Variants in SLC4A10 observed in about 807,000 individuals in gnomAD.
SLC4A10 encodes sodium-driven chloride bicarbonate exchanger.
In SLC4A10, 42 loss-of-function variants were observed where a neutral mutation model predicts 137.7. The ratio of observed to expected loss-of-function variants is 0.30; its 90% confidence interval spans 0.24 to 0.39. The LOEUF (loss-of-function observed/expected upper bound fraction) is 0.39. Among genes scored for constraint, SLC4A10 ranks in the 10% least tolerant of loss-of-function variants. The pLI is 1.00. For synonymous variants in SLC4A10, 474 were observed against 464.1 expected (o/e 1.02, Z -0.27); for missense variants, 925 against 1,355.0 (o/e 0.68, Z 4.98).
At chr2:161,976,143 G>GT (rs1410835046) in intron 24 of SLC4A10, among the ~76,000 whole-genome samples, 7 of 152,212 alleles carry the variant, frequency 4.6e-5, no homozygotes, top group South Asian at 2.1e-4. Flanking sequence ...ATTTTCTTTA[G>GT]TTTTTTTATT....
intron 1 of SLC4A10, among the ~76,000 whole-genome samples, chr2:161,768,574 A>T (rs976850041): frequency 9.2e-5 from 14 of 151,790 alleles, no homozygotes; most frequent in African/African-American, 3.4e-4. Flanking sequence ...AAAGACCATG[A>T]CTCTTCTTAT....
At chr2:161,785,792 T>A (rs2053557809) in intron 2 of SLC4A10, among the ~76,000 whole-genome samples, 1 of 151,902 alleles carries the variant, frequency 6.6e-6, no homozygotes, top group South Asian at 2.1e-4. Flanking sequence ...GGCAAGGATG[T>A]CTACTCTTGC....
At chr2:161,705,580 A>G (rs1237696914) in intron 1 of SLC4A10, among the ~76,000 whole-genome samples, 1 of 151,572 alleles carries the variant, frequency 6.6e-6, no homozygotes, top group Non-Finnish European at 1.5e-5. Flanking sequence ...TGAAAATGTA[A>G]TCACCAATAT....
At chr2:161,713,970 T>G (rs1226656502) in intron 1 of SLC4A10, among the ~76,000 whole-genome samples, 1 of 151,044 alleles carries the variant, frequency 6.6e-6, no homozygotes, top group African/African-American at 2.4e-5. Flanking sequence ...ATGGTAATTG[T>G]GAAAAAATTG....
chr2:161,658,822 C>T (rs1175002339), intron 1 of SLC4A10, among the ~76,000 whole-genome samples: 1 of 151,966 alleles, frequency 6.6e-6, no homozygotes, highest in East Asian at 1.9e-4. Context: ...AACTCCTGAC[C>T]TCAAGTGATC....
chr2:161,832,456 C>T (rs1335675563), intron 3 of SLC4A10, among the ~76,000 whole-genome samples: 8 of 152,094 alleles, frequency 5.3e-5, no homozygotes, highest in Admixed American at 5.2e-4. Context: ...TGAAAGAAGT[C>T]CATTGGTATT....
intron 1 of SLC4A10, among the ~76,000 whole-genome samples, chr2:161,646,218 G>T (rs1159743859): frequency 6.6e-6 from 1 of 152,006 alleles, no homozygotes. Flanking sequence ...TCAGGCTAGA[G>T]ATGCATAAAA....
chr2:161,822,289 T>G (rs938474895), intron 3 of SLC4A10, among the ~76,000 whole-genome samples: 1 of 152,150 alleles, frequency 6.6e-6, no homozygotes, highest in African/African-American at 2.4e-5. Flanking sequence ...GAAACAGTGA[T>G]GAGAGAAAAT....
At chr2:161,833,862 A>G (rs1282790399) in intron 3 of SLC4A10, among the ~76,000 whole-genome samples, 1 of 152,212 alleles carries the variant, frequency 6.6e-6, no homozygotes, top group Admixed American at 6.5e-5. Context: ...AATTAAAAAA[A>G]GTTTCCAACT....
intron 1 of SLC4A10, among the ~76,000 whole-genome samples, chr2:161,719,048 C>T (rs1371257102): frequency 2.0e-5 from 3 of 152,140 alleles, no homozygotes; most frequent in South Asian, 2.1e-4. Flanking sequence ...TGCTATCCTT[C>T]CCCCCTCCCC....
chr2:161,919,397 G>A (rs1687729060), intron 15 of SLC4A10, among the ~76,000 whole-genome samples: 1 of 152,122 alleles, frequency 6.6e-6, no homozygotes, highest in African/African-American at 2.4e-5. Flanking sequence ...AGACTGGAGT[G>A]AGAAATATGG....
chr2:161,882,469 C>G (rs377535595), intron 10 of SLC4A10, 25 bp downstream of exon 10: 15 of 1,478,986 alleles, frequency 1.0e-5, no homozygotes, highest in Non-Finnish European at 1.4e-5. Context: ...TCTTTGGGAA[C>G]ATTTTCCCCC....
In SLC4A10 at chr2:161,733,972, A is replaced by G. The variant is rs1029656795; in HGVS notation, c.49-37001A>G. On this transcript the variant is annotated intron_variant, in intron 1 of 26. Transcript: ENST00000446997. Reference sequence around the variant, plus strand: ...ACCTTTGTTTTGGTCAATTTCTCCCATTTGGAACAGCTGTATTTACCCAAT... The same window carrying G: ...ACCTTTGTTTTGGTCAATTTCTCCCGTTTGGAACAGCTGTATTTACCCAAT... Among the ~76,000 whole-genome samples, 4 of 152,136 alleles carry G rather than the reference A, an allele frequency of 2.6e-5. No individual in the cohort carries two copies. In the East Asian group the frequency reaches 7.7e-4, roughly 29 times the overall value.
rs548343956 is a variant in SLC4A10 at position 161,887,772 on chromosome 2, A to T, written c.1194+5328A>T. On this transcript the variant is annotated intron_variant, in intron 10 of 26. Coordinates refer to ENST00000446997, the MANE Select transcript of SLC4A10 (RefSeq NM_001178015.2). ...TGTAGGTTGCTTGTTCATTCTGTTG[A>T]TAGTTTCTTTTGCTGTGCAGAAGCT... Among the ~76,000 whole-genome samples, 305 of 152,066 alleles carry T rather than the reference A, an allele frequency of 2.0e-3. 1 individual carries two copies. Among genetic ancestry groups the T allele is most frequent in the African/African-American group, 6.8e-3 (280 of 41,468 alleles).
At chr2:161,846,998 C>T (rs1196626667) in intron 4 of SLC4A10, among the ~76,000 whole-genome samples, 1 of 150,784 alleles carries the variant, frequency 6.6e-6, no homozygotes, top group Non-Finnish European at 1.5e-5. Flanking sequence ...TTTGGGTGGT[C>T]AGCTAAGGCA....
chr2:161,798,460 C>T (rs975055204), intron 2 of SLC4A10, among the ~76,000 whole-genome samples: 3 of 151,660 alleles, frequency 2.0e-5, no homozygotes, highest in Non-Finnish European at 2.9e-5. Context: ...CTTTCCTCAC[C>T]GCATTTTATA....
chr2:161,812,623 G>A (rs2056664627), intron 3 of SLC4A10, among the ~76,000 whole-genome samples: 1 of 151,976 alleles, frequency 6.6e-6, no homozygotes, highest in Non-Finnish European at 1.5e-5. Flanking sequence ...GCAGTATTTG[G>A]TTTTCTGTTC....
At chr2:161,672,882 AT>A (rs1208244332) in intron 1 of SLC4A10, among the ~76,000 whole-genome samples, 7 of 152,308 alleles carry the variant, frequency 4.6e-5, no homozygotes, top group Admixed American at 1.3e-4. Flanking sequence ...AAAAATAAGT[AT>A]TCAGAAGTAC....
At chr2:161,714,837 T>G (rs2044671040) in intron 1 of SLC4A10, among the ~76,000 whole-genome samples, 1 of 151,978 alleles carries the variant, frequency 6.6e-6, no homozygotes, top group South Asian at 2.1e-4. Context: ...AGAGTTGTAA[T>G]GAAAATCAAA....
Sources: gnomAD v4.1 joint callset for allele counts (sites outside exome capture counted in the v4.1 genomes callset) on GRCh38, gnomAD v4.1.1 for gene constraint, MANE v1.5 for transcripts, NCBI Gene and HGNC (gene_info 2026-07-23, HGNC 2026-07-21) for gene names.